PEX14: variants seen among roughly 807,000 people sequenced by gnomAD.
PEX14 encodes the protein peroxisomal biogenesis factor 14.
A neutral mutation model predicts 49.5 loss-of-function variants in PEX14; 15 were observed. The ratio of observed to expected loss-of-function variants is 0.30; its 90% CI spans 0.20 to 0.47. The LOEUF is 0.47. Among genes scored for constraint, PEX14 ranks in the 20% least tolerant of loss-of-function variants. The probability of loss-of-function intolerance (pLI) is 1.00; values close to 1 mark genes in which losing one functional copy is unlikely to be tolerated. For missense variants in PEX14, 398 were observed against 494.8 expected (o/e 0.80, Z 1.86); for synonymous variants, 210 against 212.7 (o/e 0.99, Z 0.11).
At chr1:10,567,990 G>T (rs900645246) in intron 3 of PEX14, among the ~76,000 whole-genome samples, 2 of 152,144 alleles carry the variant, frequency 1.3e-5, no homozygotes, top group African/African-American at 4.8e-5. Flanking sequence ...CTTTCAGCCA[G>T]TTCTTTAATT....
chr1:10,582,761 TCTCA>T (rs1342579820), intron 3 of PEX14, among the ~76,000 whole-genome samples: 4 of 152,084 alleles, frequency 2.6e-5, no homozygotes, highest in Admixed American at 2.6e-4. Flanking sequence ...TGAGATGGAG[TCTCA>T]CTCTGTAGCC....
chr1:10,490,864 G>C (rs1311253446), intron 1 of PEX14, among the ~76,000 whole-genome samples: 1 of 151,820 alleles, frequency 6.6e-6, no homozygotes, highest in Non-Finnish European at 1.5e-5. Context: ...CACCATGCGT[G>C]GCAAATTTTT....
intron 3 of PEX14, among the ~76,000 whole-genome samples, chr1:10,564,811 T>G (rs1639754960): frequency 6.6e-6 from 1 of 152,022 alleles, no homozygotes; most frequent in African/African-American, 2.4e-5. Flanking sequence ...AATTAGTTCT[T>G]TTAAAGTCTT....
chr1:10,610,370 T>TACACAC lies in PEX14; in HGVS notation c.299-7961_299-7960insCACACA, dbSNP rs767834450. 1.7e-4 allele frequency among the ~76,000 whole-genome samples: 17 copies of TACACAC among 98,566 alleles called. No homozygotes were observed. The South Asian group carries it at 2.3e-3, about 14-fold the overall frequency. 64.7% of individuals were successfully genotyped at this position (98,566 alleles called of 152,430 possible). The stretch of plus-strand genomic sequence containing the variant: ...ATATAACTTTACATATATATATATA[T>TACACAC]ATACACACACACACACACACACACA... On this transcript the variant is annotated intron_variant, in intron 4 of 8. Transcript: ENST00000356607.
chr1:10,601,020 G>T (rs568495652), intron 4 of PEX14, among the ~76,000 whole-genome samples: 1 of 152,240 alleles, frequency 6.6e-6, no homozygotes, highest in East Asian at 1.9e-4. Context: ...CCAGCACTTT[G>T]GGAGGCCAAG....
intron 4 of PEX14, among the ~76,000 whole-genome samples, chr1:10,616,138 C>T (rs919547232): frequency 6.6e-6 from 1 of 152,114 alleles, no homozygotes; most frequent in African/African-American, 2.4e-5. Context: ...CAGGCCCCTC[C>T]AGCCCTGTCG....
chr1:10,546,677 C>T (rs548312739), intron 3 of PEX14, among the ~76,000 whole-genome samples: 54 of 149,746 alleles, frequency 3.6e-4, no homozygotes, highest in African/African-American at 1.1e-3. Flanking sequence ...CCATCCTGGC[C>T]AACACCGTGA....
intron 2 of PEX14, among the ~76,000 whole-genome samples, chr1:10,527,489 C>T (rs1638522636): frequency 6.7e-6 from 1 of 148,314 alleles, no homozygotes; most frequent in African/African-American, 2.5e-5. Flanking sequence ...TGCACTCCAG[C>T]CTGGTGACAG....
At chr1:10,533,695 A>T (rs545302713) in intron 2 of PEX14, among the ~76,000 whole-genome samples, 3 of 152,356 alleles carry the variant, frequency 2.0e-5, no homozygotes, top group Non-Finnish European at 4.4e-5. Flanking sequence ...CAATTGAATC[A>T]GACCCACCAC....
At chr1:10,569,378 C>T (rs78049536) in intron 3 of PEX14, among the ~76,000 whole-genome samples, 5,251 of 152,140 alleles carry the variant, frequency 0.035, 313 homozygotes, top group African/African-American at 0.12. Context: ...AAATTCCCCT[C>T]GGCACCATCA....
intron 3 of PEX14, among the ~76,000 whole-genome samples, chr1:10,541,566 C>T (rs886364488): frequency 1.3e-5 from 2 of 152,220 alleles, no homozygotes; most frequent in African/African-American, 2.4e-5. Context: ...GTGGCAGCCG[C>T]GCTTGTTCCT....
chr1:10,586,843 A>G (rs1002515648), intron 3 of PEX14, among the ~76,000 whole-genome samples: 8 of 151,900 alleles, frequency 5.3e-5, no homozygotes, highest in East Asian at 3.9e-4. Context: ...GGGTTTCACC[A>G]TGTTAGCCAG....
chr1:10,564,336 C>G (rs973141055), intron 3 of PEX14, among the ~76,000 whole-genome samples: 3 of 151,976 alleles, frequency 2.0e-5, no homozygotes, highest in Non-Finnish European at 4.4e-5. Flanking sequence ...AGTTTACTAA[C>G]CCTTTCTTCT....
chr1:10,577,552 ATATATATATATTTTTTTTTTTTTTTTTTT>A lies in PEX14; in HGVS notation c.170-21684_170-21656del, dbSNP rs1640171829. On this transcript the variant is annotated intron_variant, in intron 3 of 8. Coordinates refer to ENST00000356607, the MANE Select transcript of PEX14 (RefSeq NM_004565.3). ...TACATATATATATATATATATATAT[ATATATATATATTTTTTTTTTTTTTTTTTT>A]TTTTTTTTTTTTTTTTTTTTTTTTT... Among the ~76,000 whole-genome samples, 13 of 9,222 alleles carry A rather than the reference ATATATATATATTTTTTTTTTTTTTTTTTT, an allele frequency of 1.4e-3. 1 individual carries two copies. The highest frequency in any genetic ancestry group is 4.5e-3 in the South Asian group (1 of 220). 6.0% of individuals were successfully genotyped at this position (9,222 alleles called of 152,430 possible).
chr1:10,528,171 C>T (rs1005970235), intron 2 of PEX14: 3 of 199,974 alleles, frequency 1.5e-5, no homozygotes, highest in Non-Finnish European at 2.7e-5. Flanking sequence ...AGTAGCTGAC[C>T]CCCAGTGATG....
rs552819413 is a variant in PEX14 at position 10,536,797 on chromosome 1, T to G, written c.169+500T>G. On this transcript the variant is annotated intron_variant, in intron 3 of 8. Transcript: ENST00000356607. Reference sequence around the variant, plus strand: ...CGGTAAATTAGTGGTTTTATGGTATTTCTGTAAACAGGGATAAAGTGGACC... The same window carrying G: ...CGGTAAATTAGTGGTTTTATGGTATGTCTGTAAACAGGGATAAAGTGGACC... 2.0e-5 allele frequency among the ~76,000 whole-genome samples: 3 copies of G among 152,332 alleles called. No individual in the cohort carries two copies. The South Asian group carries it at 6.2e-4, about 32-fold the overall frequency.
intron 3 of PEX14, among the ~76,000 whole-genome samples, chr1:10,567,752 C>G (rs975045756): frequency 7.9e-5 from 12 of 152,184 alleles, no homozygotes; most frequent in African/African-American, 2.9e-4. Flanking sequence ...GCCTCATCCT[C>G]TCAAAGTGCT....
At chr1:10,591,634 A>AGTGT (rs1557862625) in intron 3 of PEX14, among the ~76,000 whole-genome samples, 3 of 88,166 alleles carry the variant, frequency 3.4e-5, no homozygotes, top group Non-Finnish European at 7.1e-5. Context: ...AGGTATACAC[A>AGTGT]CTGTGTGTGT....
chr1:10,493,215 T>G (rs1036019640), intron 1 of PEX14, among the ~76,000 whole-genome samples: 1 of 151,996 alleles, frequency 6.6e-6, no homozygotes, highest in African/African-American at 2.4e-5. Context: ...GCCCTTAAAT[T>G]TGTTGTGTTT....
Sources: gnomAD v4.1 joint callset for allele counts (sites outside exome capture counted in the v4.1 genomes callset) on GRCh38, gnomAD v4.1.1 for gene constraint, MANE v1.5 for transcripts, NCBI Gene and HGNC (gene_info 2026-07-23, HGNC 2026-07-21) for gene names.